Variants in USP7 observed in about 807,000 individuals in gnomAD.
USP7 encodes the protein ubiquitin specific peptidase 7, also known as ubiquitin C-terminal hydrolase 7.
A neutral mutation model predicts 162.9 loss-of-function variants in USP7; 9 were observed. The observed-to-expected ratio is 0.06, with a 90% CI of 0.03 to 0.10. USP7 has a LOEUF of 0.10. Ranked by LOEUF, USP7 falls within the 10% of genes least tolerant of loss-of-function variation. USP7 has a pLI of 1.00. For synonymous variants in USP7, 562 were observed against 475.9 expected (o/e 1.18, Z -2.35); for missense variants, 715 against 1,373.7 (o/e 0.52, Z 7.58).
chr16:8,957,599 A>G (rs1899859179), intron 1 of USP7, among the ~76,000 whole-genome samples: 1 of 151,822 alleles, frequency 6.6e-6, no homozygotes, highest in Non-Finnish European at 1.5e-5. Flanking sequence ...TTCAAAAAAA[A>G]AAAAAAAATT....
intron 1 of USP7, among the ~76,000 whole-genome samples, chr16:8,956,788 AAC>A (rs756558792): frequency 0.029 from 4,368 of 151,294 alleles, 159 homozygotes; most frequent in African/African-American, 0.083. Context: ...AAAAAAAAAA[AAC>A]ACTGAATTTG....
chr16:8,898,473 C>CA, intron 24 of USP7, 36 bp from the exon 25 acceptor site: 1 of 1,606,278 alleles, frequency 6.2e-7, no homozygotes, highest in Non-Finnish European at 8.5e-7. Context: ...CAGATACCGT[C>CA]ACCAAAACCC....
intron 22 of USP7, 129 bp from the exon 23 acceptor site, chr16:8,899,317 G>A: frequency 1.1e-6 from 1 of 899,828 alleles, no homozygotes; most frequent in Non-Finnish European, 1.7e-6. Flanking sequence ...TATTAAACAG[G>A]AATAAACTAT....
At chr16:8,910,067 G>A (rs1385422737) in intron 11 of USP7, among the ~76,000 whole-genome samples, 1 of 152,210 alleles carries the variant, frequency 6.6e-6, no homozygotes, top group Non-Finnish European at 1.5e-5. Context: ...GGCAGGCTTT[G>A]TAAGCACAGG....
chr16:8,901,283 A>G, intron 18 of USP7, 49 bp from the exon 19 acceptor site: 1 of 1,305,292 alleles, frequency 7.7e-7, no homozygotes, highest in Non-Finnish European at 1.1e-6. Context: ...ACTCAGCACA[A>G]TGCTTAAAAA....
At chr16:8,903,476 A>G (rs1272188363) in intron 15 of USP7, 74 bp from the exon 16 acceptor site, 1 of 1,478,000 alleles carries the variant, frequency 6.8e-7, no homozygotes, top group African/African-American at 1.4e-5. Flanking sequence ...ACACATTTAA[A>G]CACTAAAACG....
At position 8,898,621 on chromosome 16, in the gene USP7, A is replaced by G; in HGVS notation, c.2550T>C (p.Gly850=). 1 of 1,603,628 alleles carries G rather than the reference A, an allele frequency of 6.2e-7. No homozygotes were observed. The highest frequency in any genetic ancestry group is 8.5e-7 in the Non-Finnish European group (1 of 1,176,940). The change falls in exon 24 of 31, where the codon GGT becomes GGC. Residue 850 remains glycine (G), a synonymous_variant. Coordinates refer to ENST00000344836, the MANE Select transcript of USP7 (RefSeq NM_003470.3). ...CTTCATAATTATGTCTAAGAGGATTACCTGGGCCATCCCTATAACTACACA... is the reference window on the plus strand; with the variant it reads ...CTTCATAATTATGTCTAAGAGGATTGCCTGGGCCATCCCTATAACTACACA... ...FKSQGYRDGP[G]NPLRHNYEGT...
intron 1 of USP7, among the ~76,000 whole-genome samples, chr16:8,943,570 C>A (rs971241325): frequency 1.3e-5 from 2 of 151,906 alleles, no homozygotes; most frequent in African/African-American, 4.8e-5. Flanking sequence ...ACAGGCTCCA[C>A]CTCCCTCGTT....
In USP7 at chr16:8,949,050, T is replaced by C. The variant is rs1339588220; in HGVS notation, c.79+14157A>G. Among the ~76,000 whole-genome samples, 4 of 152,218 alleles carry C rather than the reference T, an allele frequency of 2.6e-5. No individual in the cohort carries two copies. In the East Asian group the frequency reaches 7.7e-4, roughly 29 times the overall value. ...GTGGTGACTGCTAATGGGTACAGGA[T>C]TTCCTTTTGTGGTGATGAAAATGTG... is the stretch of plus-strand genomic sequence containing the variant. On this transcript the variant is annotated intron_variant, in intron 1 of 30. Coordinates refer to ENST00000344836, the MANE Select transcript of USP7 (RefSeq NM_003470.3).
intron 1 of USP7, among the ~76,000 whole-genome samples, chr16:8,933,554 T>A (rs1279901112): frequency 6.6e-6 from 1 of 152,188 alleles, no homozygotes; most frequent in Non-Finnish European, 1.5e-5. Flanking sequence ...GAGATTAGGG[T>A]TACATAGAAG....
intron 2 of USP7, among the ~76,000 whole-genome samples, chr16:8,930,025 C>G (rs577488966): frequency 4.6e-5 from 7 of 152,308 alleles, no homozygotes; most frequent in African/African-American, 1.7e-4. Context: ...GGCTGGAGAC[C>G]TGCAGGCAGG....
chr16:8,936,727 T>C (rs1415235907), intron 1 of USP7: 1 of 1,404,626 alleles, frequency 7.1e-7, no homozygotes, highest in African/African-American at 1.5e-5. Flanking sequence ...TTTTTTATTT[T>C]TTAAAGCATC....
chr16:8,935,201 ATTTT>A (rs35380091), intron 1 of USP7, among the ~76,000 whole-genome samples: 1 of 136,408 alleles, frequency 7.3e-6, no homozygotes, highest in Admixed American at 7.5e-5. Context: ...TAAGGCACTA[ATTTT>A]TTTTTTTTTT....
intron 1 of USP7, among the ~76,000 whole-genome samples, chr16:8,933,148 C>T (rs1898469606): frequency 6.6e-6 from 1 of 152,134 alleles, no homozygotes; most frequent in African/African-American, 2.4e-5. Context: ...TCATGTTGGT[C>T]AGACTGGTCT....
chr16:8,910,057 G>T (rs2141189060), intron 11 of USP7, among the ~76,000 whole-genome samples: 1 of 152,256 alleles, frequency 6.6e-6, no homozygotes, highest in African/African-American at 2.4e-5. Flanking sequence ...TATATACACT[G>T]GCAGGCTTTG....
chr16:8,927,856 T>G (rs1179876672), intron 2 of USP7, among the ~76,000 whole-genome samples: 1 of 151,964 alleles, frequency 6.6e-6, no homozygotes, highest in Non-Finnish European at 1.5e-5. Context: ...AAAATAAAAC[T>G]TCCTTGGGCC....
At chr16:8,944,292 G>A (rs1245633967) in intron 1 of USP7, among the ~76,000 whole-genome samples, 1 of 151,934 alleles carries the variant, frequency 6.6e-6, no homozygotes. Flanking sequence ...TGGCAGCTGA[G>A]AGAGGGGGTG....
chr16:8,892,877 A>T lies in USP7; in HGVS notation c.*1121T>A, dbSNP rs1567201522. On this transcript the variant is annotated 3_prime_UTR_variant, in exon 31 of 31. Transcript: ENST00000344836. ...CTGCTCCCACAGAAACAACCCAAAAAATACCGGAAAAGGATGAAAAATAAG... is the reference window on the plus strand; with the variant it reads ...CTGCTCCCACAGAAACAACCCAAAATATACCGGAAAAGGATGAAAAATAAG... 1 of 152,202 alleles carries T rather than the reference A, an allele frequency of 6.6e-6. No homozygotes were observed. Among genetic ancestry groups the T allele is most frequent in the Non-Finnish European group, 1.5e-5 (1 of 68,026 alleles). The allele number at this position is 152,202 out of a possible 1,614,324, so 9.4% of individuals were successfully genotyped here. A position where few individuals can be genotyped will look rare whatever the true frequency, so the allele number is the denominator to read the frequency against.
chr16:8,923,586 T>C (rs1293923636), intron 2 of USP7, among the ~76,000 whole-genome samples, 173 bp from the exon 3 acceptor site: 1 of 152,204 alleles, frequency 6.6e-6, no homozygotes, highest in Non-Finnish European at 1.5e-5. Context: ...AACATACAGT[T>C]TCTGAATGGA....
Sources: gnomAD v4.1 joint callset for allele counts (sites outside exome capture counted in the v4.1 genomes callset) on GRCh38, gnomAD v4.1.1 for gene constraint, MANE v1.5 for transcripts, NCBI Gene and HGNC (gene_info 2026-07-23, HGNC 2026-07-21) for gene names.